The following ZNF268 variants were observed in gnomAD, a reference collection of about 807,000 sequenced individuals.
The protein encoded by ZNF268 is zinc finger protein 268, also known as zinc finger protein 3.
A neutral mutation model predicts 29.3 loss-of-function variants in ZNF268; 20 were observed. The observed-to-expected ratio is 0.68, with a 90% CI of 0.48 to 0.99. ZNF268 has a LOEUF of 0.99. ZNF268 is among the 50% of genes least tolerant of loss of function. The pLI is 0.00. For missense variants in ZNF268, 1,240 were observed against 1,121.6 expected (o/e 1.11, Z -1.51); for synonymous variants, 429 against 376.9 (o/e 1.14, Z -1.60).
chr12:133,186,229 T>A (rs1956310735), intron 2 of ZNF268, among the ~76,000 whole-genome samples: 1 of 152,110 alleles, frequency 6.6e-6, no homozygotes. Context: ...CTGTGTACCT[T>A]ATTTAGTCTC....
At position 133,205,624 on chromosome 12, in the gene ZNF268, T is replaced by C. The variant is rs969176245; in HGVS notation, c.*1094T>C. The C allele has an allele frequency of 1.3e-5, 2 of 152,220 alleles. No homozygotes were observed. Among genetic ancestry groups the C allele is most frequent in the African/African-American group, 4.8e-5 (2 of 41,458 alleles). The allele number at this position is 152,220 out of a possible 1,614,324, so 9.4% of individuals were successfully genotyped here. A position where few individuals can be genotyped will look rare whatever the true frequency, so the allele number is the denominator to read the frequency against. On this transcript the variant is annotated 3_prime_UTR_variant, in exon 6 of 6. Coordinates refer to ENST00000536435, the MANE Select transcript of ZNF268 (RefSeq NM_003415.3). The stretch of plus-strand genomic sequence containing the variant: ...TAGAATATGACTTACTAAAAATGCA[T>C]TTCCACACTGCAAACATTTTTTAGG...
At chr12:133,194,607 A>T (rs1414198137) in intron 5 of ZNF268, among the ~76,000 whole-genome samples, 1 of 152,144 alleles carries the variant, frequency 6.6e-6, no homozygotes, top group Non-Finnish European at 1.5e-5. Flanking sequence ...TTTTTGTCAC[A>T]TGCCCCTGTC....
In ZNF268 at chr12:133,207,476, A is replaced by G. The variant is rs1956920968; in HGVS notation, c.*2946A>G. The G allele has an allele frequency of 6.6e-6, 1 of 152,210 alleles. No individual in the cohort carries two copies. The highest frequency in any genetic ancestry group is 1.5e-5 in the Non-Finnish European group (1 of 68,050). 9.4% of individuals were successfully genotyped at this position (152,210 alleles called of 1,614,324 possible). On this transcript the variant is annotated 3_prime_UTR_variant, in exon 6 of 6. Transcript: ENST00000536435. ...AGCATCCTTTGTTCATTACCAGCAG[A>G]ATCACTATTATTTATAATGGCAGTA...
At chr12:133,190,501 G>T (rs192662402) in intron 3 of ZNF268, among the ~76,000 whole-genome samples, 1 of 152,280 alleles carries the variant, frequency 6.6e-6, no homozygotes, top group East Asian at 1.9e-4. Flanking sequence ...TAATAGGTGT[G>T]TAGTGGTGTC....
chr12:133,200,802 C>G (rs1956735360), intron 5 of ZNF268, among the ~76,000 whole-genome samples: 1 of 151,996 alleles, frequency 6.6e-6, no homozygotes, highest in Non-Finnish European at 1.5e-5. Flanking sequence ...GTGGTAGTTA[C>G]CTCCATATTT....
intron 2 of ZNF268, among the ~76,000 whole-genome samples, chr12:133,186,165 T>C (rs575443281): frequency 4.6e-5 from 7 of 152,254 alleles, no homozygotes; most frequent in Admixed American, 2.6e-4. Context: ...CCCTGGTCAA[T>C]GTAGAGCCAG....
At position 133,204,249 on chromosome 12, in the gene ZNF268, CAGAGAATGCACACA is replaced by C. The variant is rs762774924; in HGVS notation, c.2569_2582del (p.Met857GlufsTer4). 29 of 1,545,874 alleles carry C rather than the reference CAGAGAATGCACACA, an allele frequency of 1.9e-5. 1 individual carries two copies. In the South Asian group the frequency reaches 3.3e-4, roughly 18 times the overall value. ...TGGGAAATTACGCCTTCTTGTACAC[CAGAGAATGCACACA>C]AGAGAGAAACCATATGAATGCAGTG... On this transcript the variant is annotated frameshift_variant, in exon 6 of 6. Coordinates refer to ENST00000536435, the MANE Select transcript of ZNF268 (RefSeq NM_003415.3). LOFTEE classifies it high-confidence loss of function.
intron 3 of ZNF268, among the ~76,000 whole-genome samples, chr12:133,189,932 T>C (rs1374036143): frequency 6.6e-6 from 1 of 152,164 alleles, no homozygotes; most frequent in Non-Finnish European, 1.5e-5. Flanking sequence ...CTCAGCCTCC[T>C]GAGCAGCTAG....
At position 133,212,628 on chromosome 12, in the gene ZNF268, A is replaced by T. The variant is rs1191509985; in HGVS notation, c.*8098A>T. ...TTTAAGTGTACACTTCAGTGGCATG[A>T]AGTACATTATTTCCATTATTGTGCA... On this transcript the variant is annotated 3_prime_UTR_variant, in exon 6 of 6. Coordinates refer to ENST00000536435, the MANE Select transcript of ZNF268 (RefSeq NM_003415.3). 6.6e-6 allele frequency: 1 copy of T among 151,844 alleles called. No individual in the cohort carries two copies. Among genetic ancestry groups the T allele is most frequent in the African/African-American group, 2.4e-5 (1 of 41,318 alleles). The allele number at this position is 151,844 out of a possible 1,614,324, so 9.4% of individuals were successfully genotyped here. A position where few individuals can be genotyped will look rare whatever the true frequency, so the allele number is the denominator to read the frequency against.
At chr12:133,194,216 C>T (rs1392552718) in intron 5 of ZNF268, among the ~76,000 whole-genome samples, 2 of 152,164 alleles carry the variant, frequency 1.3e-5, no homozygotes, top group African/African-American at 4.8e-5. Flanking sequence ...CTATCACTAG[C>T]ATGACAGCAT....
rs1409744480 is a variant in ZNF268, at chr12:133,209,503, T to C, written c.*4973T>C. The C allele has an allele frequency of 6.6e-6, 1 of 152,234 alleles. No homozygotes were observed. 9.4% of individuals were successfully genotyped at this position (152,234 alleles called of 1,614,324 possible). On this transcript the variant is annotated 3_prime_UTR_variant, in exon 6 of 6. Transcript: ENST00000536435. ...CATGTCTACTCTTTAATTTTCAACA[T>C]TGTTTCAACTACTTGTTAGAAACAC...
rs1160903082 is a variant in ZNF268 at position 133,206,482 on chromosome 12, C to T, written c.*1952C>T. 6.6e-6 allele frequency: 1 copy of T among 152,132 alleles called. No individual in the cohort carries two copies. Among genetic ancestry groups the T allele is most frequent in the Non-Finnish European group, 1.5e-5 (1 of 68,034 alleles). The allele number at this position is 152,132 out of a possible 1,614,324, so 9.4% of individuals were successfully genotyped here. Reference sequence around the variant, plus strand: ...GAGTCACAGTGGTGAAAAACTCTGCCAGTTGCTTACTCACAAAGTTAGTTT... The same window carrying T: ...GAGTCACAGTGGTGAAAAACTCTGCTAGTTGCTTACTCACAAAGTTAGTTT... On this transcript the variant is annotated 3_prime_UTR_variant, in exon 6 of 6. Transcript: ENST00000536435.
Position 133,214,682 on chromosome 12 carries a change from T to A in ZNF268, c.*10152T>A, listed in dbSNP as rs1593947592. 1.3e-5 allele frequency: 2 copies of A among 152,198 alleles called. No homozygotes were observed. The highest frequency in any genetic ancestry group is 4.1e-4 in the South Asian group (2 of 4,830). 9.4% of individuals were successfully genotyped at this position (152,198 alleles called of 1,614,324 possible). A position where few individuals can be genotyped will look rare whatever the true frequency, so the allele number is the denominator to read the frequency against. ...TGACAGCTGCTTAATGGATGGAGGA[T>A]TTCCTTTGGGGTGATGAAACTATTT... is the stretch of plus-strand genomic sequence containing the variant. On this transcript the variant is annotated 3_prime_UTR_variant, in exon 6 of 6. Transcript: ENST00000536435.
rs796414404 is a variant in ZNF268, at chr12:133,205,161, A to G, written c.*631A>G. 338 of 72,644 alleles carry G rather than the reference A, an allele frequency of 4.7e-3. 7 individuals carry two copies. The highest frequency in any genetic ancestry group is 0.011 in the African/African-American group (307 of 28,840). 4.5% of individuals were successfully genotyped at this position (72,644 alleles called of 1,614,324 possible). The stretch of plus-strand genomic sequence containing the variant: ...CTTCATTCTAAAAAAAAAAAAAAAA[A>G]AAAAAAAAAAAACCAACCTGTTATT... On this transcript the variant is annotated 3_prime_UTR_variant, in exon 6 of 6. Coordinates refer to ENST00000536435, the MANE Select transcript of ZNF268 (RefSeq NM_003415.3).
chr12:133,197,088 C>T (rs980068807), intron 5 of ZNF268, among the ~76,000 whole-genome samples: 1 of 148,798 alleles, frequency 6.7e-6, no homozygotes. Context: ...GCACAATGTC[C>T]AGGTTAGTTA....
At chr12:133,199,384 G>A (rs1156994443) in intron 5 of ZNF268, among the ~76,000 whole-genome samples, 2 of 151,348 alleles carry the variant, frequency 1.3e-5, no homozygotes, top group African/African-American at 4.8e-5. Flanking sequence ...CAGGGATGAA[G>A]CCCACTTGAT....
At chr12:133,196,675 A>G (rs1294518121) in intron 5 of ZNF268, among the ~76,000 whole-genome samples, 1 of 152,224 alleles carries the variant, frequency 6.6e-6, no homozygotes, top group Non-Finnish European at 1.5e-5. Flanking sequence ...CAGAGTAATT[A>G]TTCACTGGCC....
In ZNF268 at chr12:133,204,351, G is replaced by A; in HGVS notation, c.2665G>A (p.Glu889Lys). The A allele has an allele frequency of 6.4e-7, 1 of 1,570,282 alleles. No homozygotes were observed. Residue 889 changes from glutamate to lysine, a missense_variant, in exon 6 of 6, where the codon GAG (glutamate) becomes AAG (lysine). This residue lies in a region of ZNF268 where 1,177 missense variants were observed against 1,039.6 expected (regional missense o/e 1.13). Coordinates refer to ENST00000536435, the MANE Select transcript of ZNF268 (RefSeq NM_003415.3). ...TGTACATCAAAGAACTCATTCAGGAGAGAAACCCTATGGGTGCAATGAATG... is the reference window on the plus strand; with the variant it reads ...TGTACATCAAAGAACTCATTCAGGAAAGAAACCCTATGGGTGCAATGAATG... The part of the protein sequence containing the change: ...LIVHQRTHSG[E>K]KPYGCNECGK...
intron 5 of ZNF268, among the ~76,000 whole-genome samples, chr12:133,197,206 A>G (rs1454843607): frequency 3.9e-5 from 4 of 103,558 alleles, no homozygotes; most frequent in East Asian, 3.4e-4. Flanking sequence ...CCCCACAACA[A>G]TCCCCAAAGT....
Sources: allele counts gnomAD v4.1 joint callset (sites outside exome capture counted in the v4.1 genomes callset), GRCh38; gene constraint gnomAD v4.1.1; regional missense constraint gnomAD v4.1.1; transcripts MANE v1.5; gene names NCBI Gene and HGNC (gene_info 2026-07-23, HGNC 2026-07-21).